Variants in MACROD2 observed in about 807,000 individuals in gnomAD.
MACROD2 encodes ADP-ribose glycohydrolase MACROD2.
Under a neutral mutation model 70.4 loss-of-function variants are expected in MACROD2, and 36 were observed. The ratio of observed to expected loss-of-function variants is 0.51; its 90% CI spans 0.39 to 0.68. The LOEUF is 0.68. Among genes scored for constraint, MACROD2 ranks in the 30% least tolerant of loss-of-function variants. The pLI is 0.00. For missense variants in MACROD2, 496 were observed against 538.4 expected (o/e 0.92, Z 0.78); for synonymous variants, 172 against 178.8 (o/e 0.96, Z 0.30).
chr20:15,873,957 C>T (rs1050283195), intron 9 of MACROD2, among the ~76,000 whole-genome samples: 1 of 151,938 alleles, frequency 6.6e-6, no homozygotes, highest in Non-Finnish European at 1.5e-5. Context: ...GGGTACAGTG[C>T]ACAATGTGCA....
rs2083338971 is a variant in MACROD2 at position 14,372,837 on chromosome 20, A to G, written c.272-120642A>G. On this transcript the variant is annotated intron_variant, in intron 3 of 17. Transcript: ENST00000684519. ...TATCCAGGTAGAAAAAGATGTGATC[A>G]AAAGATTTCATTGGTTCTGTTTGCT... Among the ~76,000 whole-genome samples the G allele has an allele frequency of 2.6e-5, 4 of 152,276 alleles. 1 individual carries two copies. The South Asian group carries it at 8.3e-4, about 32-fold the overall frequency.
intron 8 of MACROD2, among the ~76,000 whole-genome samples, chr20:15,793,011 A>C (rs1568564142): frequency 6.6e-6 from 1 of 152,184 alleles, no homozygotes. Context: ...TAAAACATGA[A>C]GCGTATCTCT....
chr20:13,999,207 AGG>A (rs2052701369), intron 1 of MACROD2, among the ~76,000 whole-genome samples: 1 of 152,148 alleles, frequency 6.6e-6, no homozygotes, highest in African/African-American at 2.4e-5. Context: ...TGGTGTCTTC[AGG>A]TTCCTCTCCA....
Position 14,874,840 on chromosome 20 carries a change from G to C in MACROD2, c.418+189881G>C, listed in dbSNP as rs564018616. Among the ~76,000 whole-genome samples the C allele has an allele frequency of 5.9e-5, 9 of 151,810 alleles. No individual in the cohort carries two copies. In the South Asian group the frequency reaches 1.9e-3, roughly 32 times the overall value. ...ATGCCTCAGCCTTCTGAGTAGCTGG[G>C]ATTACAGGTGTGCGCCACAACCCCT... On this transcript the variant is annotated intron_variant, in intron 5 of 17. Coordinates refer to ENST00000684519, the MANE Select transcript of MACROD2 (RefSeq NM_001351661.2).
chr20:14,547,295 G>A, intron 4 of MACROD2: 1 of 309,736 alleles, frequency 3.2e-6, no homozygotes, highest in South Asian at 7.1e-5. Flanking sequence ...TGATAAATGT[G>A]CATGCATGGC....
At chr20:14,626,785 A>G (rs1984194403) in intron 4 of MACROD2, 1 of 152,210 alleles carries the variant, frequency 6.6e-6, no homozygotes, top group African/African-American at 2.4e-5. Flanking sequence ...CAGCTGATCC[A>G]CTTAGGTCTC....
chr20:14,288,271 T>G (rs1279307324), intron 3 of MACROD2, among the ~76,000 whole-genome samples: 1 of 152,108 alleles, frequency 6.6e-6, no homozygotes, highest in Non-Finnish European at 1.5e-5. Context: ...TTCCCTAGTT[T>G]CCCTCGTAGC....
At chr20:14,382,422 A>G (rs1430650227) in intron 3 of MACROD2, among the ~76,000 whole-genome samples, 1 of 151,792 alleles carries the variant, frequency 6.6e-6, no homozygotes. Flanking sequence ...TAATCCCAGC[A>G]CTTTGGGAGG....
intron 8 of MACROD2, among the ~76,000 whole-genome samples, chr20:15,501,989 A>G (rs551614962): frequency 5.3e-4 from 80 of 152,310 alleles, no homozygotes; most frequent in African/African-American, 1.9e-3. Flanking sequence ...TTTGATAAAT[A>G]TTTATTGACT....
chr20:15,282,085 C>T (rs2077450723), intron 6 of MACROD2, among the ~76,000 whole-genome samples: 1 of 152,216 alleles, frequency 6.6e-6, no homozygotes, highest in African/African-American at 2.4e-5. Context: ...CCCTTTTAGC[C>T]ATGGCTGGGA....
chr20:14,112,085 T>C, intron 3 of MACROD2, among the ~76,000 whole-genome samples: 1 of 152,016 alleles, frequency 6.6e-6, no homozygotes, highest in East Asian at 1.9e-4. Context: ...CTGGAAATCG[T>C]TATATTAAAT....
At chr20:14,122,378 A>G (rs1284359213) in intron 3 of MACROD2, among the ~76,000 whole-genome samples, 1 of 152,212 alleles carries the variant, frequency 6.6e-6, no homozygotes, top group Non-Finnish European at 1.5e-5. Flanking sequence ...GCTCATAAAT[A>G]GTAGCTGTAA....
chr20:15,337,340 G>A (rs2078059779), intron 6 of MACROD2, among the ~76,000 whole-genome samples: 1 of 151,618 alleles, frequency 6.6e-6, no homozygotes, highest in African/African-American at 2.4e-5. Flanking sequence ...AGGCTAGTAG[G>A]GCCTGATCTA....
At chr20:14,936,571 TC>T (rs1318165494) in intron 5 of MACROD2, among the ~76,000 whole-genome samples, 2 of 151,774 alleles carry the variant, frequency 1.3e-5, no homozygotes, top group African/African-American at 4.8e-5. Context: ...TAGCTCTCTC[TC>T]CTCCAGGAGC....
intron 8 of MACROD2, among the ~76,000 whole-genome samples, chr20:15,744,281 G>T (rs2051147533): frequency 6.6e-6 from 1 of 152,072 alleles, no homozygotes; most frequent in Non-Finnish European, 1.5e-5. Context: ...AGTTCAAAAT[G>T]CTCTTATATT....
At chr20:14,432,796 G>A (rs6033961) in intron 3 of MACROD2, among the ~76,000 whole-genome samples, 146,683 of 152,140 alleles carry the variant, frequency 0.96, 70,953 homozygotes, top group East Asian at 1. Context: ...AGGACTAGGT[G>A]CCTGGCCACC....
chr20:15,801,744 T>G (rs971364064), intron 8 of MACROD2, among the ~76,000 whole-genome samples: 1 of 152,122 alleles, frequency 6.6e-6, no homozygotes, highest in Non-Finnish European at 1.5e-5. Flanking sequence ...AAAATATCAT[T>G]GGCATTTTGA....
intron 8 of MACROD2, among the ~76,000 whole-genome samples, chr20:15,745,689 G>A (rs79306774): frequency 0.015 from 2,225 of 152,110 alleles, 54 homozygotes; most frequent in African/African-American, 0.05. Flanking sequence ...CTATATTGTC[G>A]TCTAATTATT....
At chr20:15,889,319 TTG>T (rs1282481586) in intron 10 of MACROD2, among the ~76,000 whole-genome samples, 2 of 152,176 alleles carry the variant, frequency 1.3e-5, no homozygotes, top group African/African-American at 4.8e-5. Context: ...GGCATGTACT[TTG>T]TGCCAATAAC....
Sources: allele counts gnomAD v4.1 joint callset (sites outside exome capture counted in the v4.1 genomes callset), GRCh38; gene constraint gnomAD v4.1.1; transcripts MANE v1.5; gene names NCBI Gene and HGNC (gene_info 2026-07-23, HGNC 2026-07-21).